The following SVEP1 variants were observed in gnomAD, a reference collection of about 807,000 sequenced individuals.
The protein encoded by SVEP1 is sushi, von Willebrand factor type A, EGF and pentraxin domain containing 1, also known as sushi, von Willebrand factor type A, EGF and pentraxin domain-containing protein 1.
SVEP1 carries 164 observed loss-of-function variants against 367.3 expected under a neutral mutation model. The observed-to-expected ratio is 0.45, with a 90% CI of 0.39 to 0.51. The LOEUF (loss-of-function observed/expected upper bound fraction) is 0.51. SVEP1 is among the 20% of genes least tolerant of loss of function. SVEP1 has a pLI of 0.00. For missense variants in SVEP1, 4,117 were observed against 4,425.3 expected (o/e 0.93, Z 1.98); for synonymous variants, 1,666 against 1,611.6 (o/e 1.03, Z -0.81).
intron 24 of SVEP1, 91 bp downstream of exon 24, chr9:110,449,968 G>T: frequency 7.1e-7 from 1 of 1,410,778 alleles, no homozygotes. Context: ...TGACTGACTT[G>T]AGACTCAAAG....
At chr9:110,447,637 T>C (rs1007051642) in intron 24 of SVEP1, among the ~76,000 whole-genome samples, 5 of 152,162 alleles carry the variant, frequency 3.3e-5, no homozygotes, top group Middle Eastern at 3.4e-3. Flanking sequence ...TTGACAAGAG[T>C]GTCATAAAAT....
rs773834466 is a variant in SVEP1, at chr9:110,407,664, C to T, written c.7936G>A (p.Val2646Met). The T allele has an allele frequency of 1.2e-6, 2 of 1,614,030 alleles. No homozygotes were observed. The highest frequency in any genetic ancestry group is 4.5e-5 in the East Asian group (2 of 44,880). The change falls in exon 38 of 48, where the codon GTG (valine) becomes ATG (methionine). Residue 2646 changes from valine (V) to methionine (M), a missense_variant. Around this residue, in one of 4 missense-constraint regions of SVEP1, gnomAD observed 1,765 missense variants for 1,781.1 expected, o/e 0.99. Coordinates refer to ENST00000374469, the MANE Select transcript of SVEP1 (RefSeq NM_153366.4). ...AAATGATAAGGAGGGTGAGGAGTCA[C>T]ATATGGAACTTCCATCATGTCGTCT... Reference protein sequence around the residue: ...QEDDMMEVPYVTPHPPYHLGA... With the variant: ...QEDDMMEVPYMTPHPPYHLGA...
chr9:110,522,401 A>T (rs558241793), intron 3 of SVEP1, among the ~76,000 whole-genome samples: 1 of 152,332 alleles, frequency 6.6e-6, no homozygotes, highest in South Asian at 2.1e-4. Context: ...TCTGCATACC[A>T]ACTTATCTGC....
At position 110,443,553 on chromosome 9, in the gene SVEP1, G is replaced by C. The variant is rs1306776920; in HGVS notation, c.4631C>G (p.Pro1544Arg). 1 of 1,604,824 alleles carries C rather than the reference G, an allele frequency of 6.2e-7. No homozygotes were observed. The highest frequency in any genetic ancestry group is 8.5e-7 in the Non-Finnish European group (1 of 1,175,678). Residue 1544 changes from proline (P) to arginine (R), a missense_variant, in exon 27 of 48, where the codon CCC becomes CGC. Physicochemically the swap from Pro to Arg is moderately radical, Grantham distance 103. Coordinates refer to ENST00000374469, the MANE Select transcript of SVEP1 (RefSeq NM_153366.4). ...DGGAGLSVGL[P>R]IPGGGALVLG... ...ATTTTGTTAAAACATACCAGGTATG[G>C]GCAAACCAACAGAGAGGCCAGCACC... is the stretch of plus-strand genomic sequence containing the variant.
intron 3 of SVEP1, among the ~76,000 whole-genome samples, chr9:110,530,726 G>C (rs1356996210): frequency 6.6e-6 from 1 of 151,770 alleles, no homozygotes; most frequent in Non-Finnish European, 1.5e-5. Flanking sequence ...TTGTAGAGAC[G>C]GGGTCTCACC....
At chr9:110,542,975 T>A (rs5017940) in intron 3 of SVEP1, among the ~76,000 whole-genome samples, 89,335 of 135,730 alleles carry the variant, frequency 0.66, 28,739 homozygotes, top group Non-Finnish European at 0.75. Context: ...TAAAAAAAAA[T>A]ATATATATAT....
At chr9:110,454,648 G>A (rs751758709) in intron 22 of SVEP1, among the ~76,000 whole-genome samples, 41 of 152,148 alleles carry the variant, frequency 2.7e-4, no homozygotes, top group Non-Finnish European at 4.1e-4. Context: ...ACAAAATCAT[G>A]TCGTTTGCAG....
intron 20 of SVEP1, chr9:110,458,074 T>G (rs369341071): frequency 2.2e-6 from 1 of 459,966 alleles, no homozygotes. Context: ...TTTTCTTTTC[T>G]GGCAAAGAAA....
At chr9:110,567,359 T>C (rs1239139086) in intron 1 of SVEP1, among the ~76,000 whole-genome samples, 3 of 152,168 alleles carry the variant, frequency 2.0e-5, no homozygotes, top group African/African-American at 4.8e-5. Context: ...AATTGGTGAA[T>C]ACAAATTAAC....
chr9:110,398,139 C>T (rs1382667809), intron 40 of SVEP1, among the ~76,000 whole-genome samples: 1 of 152,002 alleles, frequency 6.6e-6, no homozygotes, highest in Non-Finnish European at 1.5e-5. Context: ...GATACCAAAA[C>T]AGAGATATAG....
At chr9:110,514,927 A>C (rs1829780979) in intron 3 of SVEP1, among the ~76,000 whole-genome samples, 1 of 152,214 alleles carries the variant, frequency 6.6e-6, no homozygotes, top group Admixed American at 6.5e-5. Flanking sequence ...ATCTTGAGAA[A>C]GGATGAGGAG....
chr9:110,536,451 T>G (rs1046199947), intron 3 of SVEP1, among the ~76,000 whole-genome samples: 1 of 152,014 alleles, frequency 6.6e-6, no homozygotes, highest in African/African-American at 2.4e-5. Flanking sequence ...ACATGCATCA[T>G]TTTAAAAGAA....
chr9:110,473,561 C>T (rs986223390), intron 14 of SVEP1, among the ~76,000 whole-genome samples: 1 of 152,146 alleles, frequency 6.6e-6, no homozygotes, highest in African/African-American at 2.4e-5. Flanking sequence ...TATGGCATTT[C>T]TATGTGAAAT....
At chr9:110,474,201 T>C (rs917819618) in intron 14 of SVEP1, among the ~76,000 whole-genome samples, 3 of 152,258 alleles carry the variant, frequency 2.0e-5, no homozygotes, top group Admixed American at 1.3e-4. Flanking sequence ...GGTTTTACCA[T>C]GTTGGCCAAG....
intron 8 of SVEP1, among the ~76,000 whole-genome samples, chr9:110,494,012 C>A (rs1475469459): frequency 6.6e-6 from 1 of 152,168 alleles, no homozygotes; most frequent in Admixed American, 6.5e-5. Context: ...GTTATAGCAT[C>A]GCTCTGTAAC....
intron 36 of SVEP1, among the ~76,000 whole-genome samples, chr9:110,423,733 A>G (rs1034256578): frequency 2.7e-4 from 41 of 152,212 alleles, no homozygotes; most frequent in African/African-American, 9.7e-4. Flanking sequence ...GATAAGCAGA[A>G]TATCTTTGCA....
chr9:110,505,632 C>T (rs1402783238), intron 5 of SVEP1, among the ~76,000 whole-genome samples: 1 of 152,114 alleles, frequency 6.6e-6, no homozygotes, highest in African/African-American at 2.4e-5. Context: ...ACTTCCAGCT[C>T]CTTTGAAGTA....
At chr9:110,441,959 C>A (rs969665957) in intron 27 of SVEP1, among the ~76,000 whole-genome samples, 6 of 152,184 alleles carry the variant, frequency 3.9e-5, no homozygotes, top group African/African-American at 1.4e-4. Context: ...CGTGATTTGG[C>A]CATGTCCGCC....
rs900530625 is a variant in SVEP1, at chr9:110,500,311, G to A, written c.1484-1073C>T. Among the ~76,000 whole-genome samples, 4 of 152,188 alleles carry A rather than the reference G, an allele frequency of 2.6e-5. No homozygotes were observed. In the East Asian group the frequency reaches 7.7e-4, roughly 29 times the overall value. On this transcript the variant is annotated intron_variant, in intron 6 of 47. Transcript: ENST00000374469. ...TTTGTGGTTCGACGATAATGACAAT[G>A]TGGGACTCAGTATCCTTTATTTACA...
Sources: gnomAD v4.1 joint callset for allele counts (sites outside exome capture counted in the v4.1 genomes callset) on GRCh38, gnomAD v4.1.1 for gene constraint, gnomAD v4.1.1 regional missense constraint, MANE v1.5 for transcripts, NCBI Gene and HGNC (gene_info 2026-07-23, HGNC 2026-07-21) for gene names.